The following PCLO variants were observed in gnomAD, a reference collection of about 807,000 sequenced individuals.
PCLO encodes protein piccolo.
Under a neutral mutation model 427.5 loss-of-function variants are expected in PCLO, and 82 were observed. The observed-to-expected ratio is 0.19, with a 90% CI of 0.16 to 0.23. The LOEUF (loss-of-function observed/expected upper bound fraction) is 0.23. Among genes scored for constraint, PCLO ranks in the 10% least tolerant of loss-of-function variants. The pLI is 1.00. For missense variants in PCLO, 6,239 were observed against 6,115.9 expected (o/e 1.02, Z -0.67); for synonymous variants, 2,357 against 2,155.4 (o/e 1.09, Z -2.59).
chr7:82,891,456 A>G (rs1793763261), intron 9 of PCLO, among the ~76,000 whole-genome samples: 1 of 152,100 alleles, frequency 6.6e-6, no homozygotes. Flanking sequence ...GGGGTTTTCT[A>G]GATATACAAC....
chr7:83,123,285 A>G (rs1791334707), intron 3 of PCLO, among the ~76,000 whole-genome samples: 1 of 152,184 alleles, frequency 6.6e-6, no homozygotes, highest in Non-Finnish European at 1.5e-5. Flanking sequence ...CCCGTGGACC[A>G]ATGGAACAGA....
chr7:82,865,993 C>T (rs1197002713), intron 10 of PCLO, among the ~76,000 whole-genome samples: 1 of 152,128 alleles, frequency 6.6e-6, no homozygotes, highest in Non-Finnish European at 1.5e-5. Context: ...TTACAATGGC[C>T]TGCAAGATTT....
At chr7:83,148,289 C>T (rs937036006) in intron 2 of PCLO, among the ~76,000 whole-genome samples, 1 of 152,160 alleles carries the variant, frequency 6.6e-6, no homozygotes, top group African/African-American at 2.4e-5. Flanking sequence ...AGTGAGGGAA[C>T]CCTACAACCC....
At chr7:82,994,169 C>T (rs1274129638) in intron 3 of PCLO, among the ~76,000 whole-genome samples, 2 of 151,972 alleles carry the variant, frequency 1.3e-5, no homozygotes, top group Non-Finnish European at 2.9e-5. Flanking sequence ...TCTCAAAATA[C>T]AGCAAACATA....
intron 22 of PCLO, among the ~76,000 whole-genome samples, chr7:82,794,872 T>C (rs1440042019): frequency 6.6e-6 from 1 of 152,170 alleles, no homozygotes; most frequent in Non-Finnish European, 1.5e-5. Flanking sequence ...TTAGTGATCA[T>C]ACAAGTTACA....
chr7:83,000,462 T>C (rs1242204384), intron 3 of PCLO, among the ~76,000 whole-genome samples: 4 of 152,032 alleles, frequency 2.6e-5, no homozygotes, highest in East Asian at 1.9e-4. Context: ...AGATGTCCCC[T>C]AACTTTTTGG....
rs559111586 is a variant in PCLO at position 82,960,234 on chromosome 7, C to T, written c.4018-3299G>A. Among the ~76,000 whole-genome samples, 22 of 152,282 alleles carry T rather than the reference C, an allele frequency of 1.4e-4. No individual in the cohort carries two copies. In the South Asian group the frequency reaches 3.9e-3, roughly 27 times the overall value. ...TCTTCAATAATTTACATAAAGTTTA[C>T]ATCAATGCAGATTACTGATTTGAGT... On this transcript the variant is annotated intron_variant, in intron 4 of 24. Coordinates refer to ENST00000333891, the MANE Select transcript of PCLO (RefSeq NM_033026.6).
intron 22 of PCLO, among the ~76,000 whole-genome samples, chr7:82,783,499 G>A (rs1213986483): frequency 6.6e-6 from 1 of 152,092 alleles, no homozygotes; most frequent in Admixed American, 6.5e-5. Context: ...GCGGGCTCCT[G>A]TAGTGCCAGC....
At chr7:82,920,407 T>C (rs1794568012) in intron 6 of PCLO, among the ~76,000 whole-genome samples, 1 of 151,470 alleles carries the variant, frequency 6.6e-6, no homozygotes, top group Admixed American at 6.6e-5. Flanking sequence ...GTGCCTTTAA[T>C]CTAGAAAAAA....
chr7:83,026,014 A>C lies in PCLO; in HGVS notation c.3301-59527T>G, dbSNP rs1020511830. Among the ~76,000 whole-genome samples, 48 of 152,304 alleles carry C rather than the reference A, an allele frequency of 3.2e-4. 2 individuals are homozygous for C. The highest frequency in any genetic ancestry group is 2.7e-3 in the Admixed American group (42 of 15,294). Reference sequence around the variant, plus strand: ...GCGGCAAAATCATGCCAAAATGTAAAGACCATCGAGACTAGGAAGAAACTG... The same window carrying C: ...GCGGCAAAATCATGCCAAAATGTAACGACCATCGAGACTAGGAAGAAACTG... On this transcript the variant is annotated intron_variant, in intron 3 of 24. Transcript: ENST00000333891.
chr7:83,038,006 T>TA (rs1788843413), intron 3 of PCLO, among the ~76,000 whole-genome samples: 1 of 41,408 alleles, frequency 2.4e-5, no homozygotes, highest in African/African-American at 1.6e-4. Flanking sequence ...TATATATATA[T>TA]ATATATATAT....
intron 3 of PCLO, among the ~76,000 whole-genome samples, chr7:83,094,666 G>T (rs1790487095): frequency 6.6e-6 from 1 of 152,068 alleles, no homozygotes. Flanking sequence ...TCCAGTTTGG[G>T]TCTATTACGA....
chr7:83,086,437 G>T (rs1790233995), intron 3 of PCLO, among the ~76,000 whole-genome samples: 1 of 151,928 alleles, frequency 6.6e-6, no homozygotes, highest in Admixed American at 6.6e-5. Context: ...TAAATAAAGG[G>T]GGTGAAAAAC....
At chr7:83,128,689 T>C (rs2116593401) in intron 3 of PCLO, among the ~76,000 whole-genome samples, 1 of 152,276 alleles carries the variant, frequency 6.6e-6, no homozygotes, top group East Asian at 1.9e-4. Flanking sequence ...ATCATTTTCA[T>C]GGAGTAAAGT....
In PCLO at chr7:82,935,719, T is replaced by C. The variant is rs191158262; in HGVS notation, c.11112+13757A>G. Reference sequence around the variant, plus strand: ...TACTAAACACTATACGATCACGGCGTGAAACTTCATTTCAATGAAGACAGA... The same window carrying C: ...TACTAAACACTATACGATCACGGCGCGAAACTTCATTTCAATGAAGACAGA... On this transcript the variant is annotated intron_variant, in intron 6 of 24. Coordinates refer to ENST00000333891, the MANE Select transcript of PCLO (RefSeq NM_033026.6). Among the ~76,000 whole-genome samples, 15 of 151,708 alleles carry C rather than the reference T, an allele frequency of 9.9e-5. No homozygotes were observed. In the East Asian group the frequency reaches 2.9e-3, roughly 29 times the overall value.
chr7:83,124,992 G>A (rs894427564), intron 3 of PCLO, among the ~76,000 whole-genome samples: 1 of 152,168 alleles, frequency 6.6e-6, no homozygotes, highest in Non-Finnish European at 1.5e-5. Flanking sequence ...CTGACCTCGA[G>A]TGATCTGCCC....
At chr7:82,772,291 G>A (rs1352929608) in intron 22 of PCLO, among the ~76,000 whole-genome samples, 7 of 151,852 alleles carry the variant, frequency 4.6e-5, no homozygotes, top group African/African-American at 1.5e-4. Flanking sequence ...GAGATATTTC[G>A]GATATTTTTT....
chr7:82,922,402 C>T (rs1794618255), intron 6 of PCLO, among the ~76,000 whole-genome samples: 1 of 151,958 alleles, frequency 6.6e-6, no homozygotes. Context: ...AAATACTATG[C>T]AGCCATAAAA....
chr7:83,155,354 A>C lies in PCLO; in HGVS notation c.1287T>G (p.Ser429=), dbSNP rs998502462. The C allele has an allele frequency of 4.3e-6, 7 of 1,613,524 alleles. No homozygotes were observed. Among genetic ancestry groups the C allele is most frequent in the Non-Finnish European group, 5.9e-6 (7 of 1,179,810 alleles). The change falls in exon 2 of 25, where the codon TCT becomes TCG. Residue 429 remains serine (S), a synonymous_variant. Transcript: ENST00000333891. ...KPLAQQPGLQ[S]PAKAPGPTKT... ...TTGTAGGCCCAGGTGCCTTAGCTGG[A>C]GACTGTAGCCCAGGTTGTTGAGCTA...
Sources: allele counts gnomAD v4.1 joint callset (sites outside exome capture counted in the v4.1 genomes callset), GRCh38; gene constraint gnomAD v4.1.1; transcripts MANE v1.5; gene names NCBI Gene and HGNC (gene_info 2026-07-23, HGNC 2026-07-21).